MAP2K5: variants seen among roughly 807,000 people sequenced by gnomAD.
MAP2K5 encodes mitogen-activated protein kinase kinase 5.
A neutral mutation model predicts 83.1 loss-of-function variants in MAP2K5; 49 were observed. That is an observed-to-expected ratio of 0.59 (90% CI 0.47 to 0.75). The LOEUF is 0.75. Ranked by LOEUF, MAP2K5 falls within the 30% of genes least tolerant of loss-of-function variation. MAP2K5 has a pLI of 0.00. For missense variants in MAP2K5, 457 were observed against 557.5 expected (o/e 0.82, Z 1.82); for synonymous variants, 202 against 191.8 (o/e 1.05, Z -0.44).
At chr15:67,590,446 C>CTCTCTCTCTCTCTCTCTCTCTCTCT (rs1555529574) in intron 6 of MAP2K5, among the ~76,000 whole-genome samples, 13 of 30,538 alleles carry the variant, frequency 4.3e-4, no homozygotes, top group African/African-American at 7.0e-4. Flanking sequence ...TCCCTCCCTC[C>CTCTCTCTCTCTCTCTCTCTCTCTCT]CTCTCTCTCT....
chr15:67,575,223 A>G (rs1189108445), intron 3 of MAP2K5, among the ~76,000 whole-genome samples: 2 of 152,196 alleles, frequency 1.3e-5, no homozygotes, highest in Non-Finnish European at 2.9e-5. Flanking sequence ...TGAAGTGGCT[A>G]AAGTAACTCA....
In MAP2K5 at chr15:67,543,410, T is replaced by C. The variant is rs1243988565; in HGVS notation, c.75T>C (p.Asn25=). Residue 25 remains asparagine (N), a synonymous_variant, in exon 1 of 22, where the codon AAT becomes AAC. Transcript: ENST00000178640. The surrounding 1 kb of genome is among the most constrained non-coding windows in gnomAD (Gnocchi z 4.3). ...TGGTAATTCGCATCAAGATCCCAAATAGTGGCGCGGTGGACTGGACAGTGC... is the reference window on the plus strand; with the variant it reads ...TGGTAATTCGCATCAAGATCCCAAACAGTGGCGCGGTGGACTGGACAGTGC... The part of the protein sequence containing the change: ...QVLVIRIKIP[N]SGAVDWTVHS... The C allele has an allele frequency of 6.2e-7, 1 of 1,614,046 alleles. No individual in the cohort carries two copies. The highest frequency in any genetic ancestry group is 2.2e-5 in the East Asian group (1 of 44,866).
rs1468158109 is a variant in MAP2K5 at position 67,717,180 on chromosome 15, A to G, written c.1045-10736A>G. Among the ~76,000 whole-genome samples the G allele has an allele frequency of 1.3e-5, 2 of 152,254 alleles. No individual in the cohort carries two copies. The highest frequency in any genetic ancestry group is 2.9e-5 in the Non-Finnish European group (2 of 68,036). ...CAGGTTAACTGTGACTCTGCTGGTC[A>G]GTTAAGACTGCTTTTCATAGGATTA... is the stretch of plus-strand genomic sequence containing the variant. On this transcript the variant is annotated intron_variant, in intron 16 of 21. Transcript: ENST00000178640. The surrounding 1 kb of genome is among the most constrained non-coding windows in gnomAD (Gnocchi z 4.1).
intron 2 of MAP2K5, among the ~76,000 whole-genome samples, chr15:67,551,019 A>G (rs2140945825): frequency 6.6e-6 from 1 of 152,062 alleles, no homozygotes; most frequent in Admixed American, 6.5e-5. Flanking sequence ...TGATCCACCC[A>G]CCTCAGCCTC....
At position 67,794,971 on chromosome 15, in the gene MAP2K5, G is replaced by A. The variant is rs996674124; in HGVS notation, c.1243-11675G>A. 6.6e-5 allele frequency among the ~76,000 whole-genome samples: 10 copies of A among 152,328 alleles called. No homozygotes were observed. Among genetic ancestry groups the A allele is most frequent in the South Asian group, 4.1e-4 (2 of 4,828 alleles). On this transcript the variant is annotated intron_variant, in intron 21 of 21. Transcript: ENST00000178640. The surrounding 1 kb of genome is among the most constrained non-coding windows in gnomAD (Gnocchi z 4.6). Reference sequence around the variant, plus strand: ...ACTCTGAAACCTCTGACGCCCCCGCGGTGGGTGATGTTTTGTCAGTGCTCA... The same window carrying A: ...ACTCTGAAACCTCTGACGCCCCCGCAGTGGGTGATGTTTTGTCAGTGCTCA...
At position 67,783,693 on chromosome 15, in the gene MAP2K5, C is replaced by T. The variant is rs532297781; in HGVS notation, c.1242+10941C>T. 1.3e-5 allele frequency among the ~76,000 whole-genome samples: 2 copies of T among 152,232 alleles called. No individual in the cohort carries two copies. The highest frequency in any genetic ancestry group is 1.3e-4 in the Admixed American group (2 of 15,300). Reference sequence around the variant, plus strand: ...CTTAGCATCTAGCCCAGTCTCCAGCCTGAGTAGAATGCTCAAATATATGGT... The same window carrying T: ...CTTAGCATCTAGCCCAGTCTCCAGCTTGAGTAGAATGCTCAAATATATGGT... On this transcript the variant is annotated intron_variant, in intron 21 of 21. Transcript: ENST00000178640. The surrounding 1 kb of genome is among the most constrained non-coding windows in gnomAD (Gnocchi z 5.1).
At chr15:67,612,653 C>A (rs1181643033) in intron 8 of MAP2K5, among the ~76,000 whole-genome samples, 1 of 152,126 alleles carries the variant, frequency 6.6e-6, no homozygotes, top group African/African-American at 2.4e-5. Context: ...ATGATATGCC[C>A]ATTTCATGAA....
At position 67,543,445 on chromosome 15, in the gene MAP2K5, C is replaced by T. The variant is rs772020696; in HGVS notation, c.110C>T (p.Pro37Leu). 3.1e-6 allele frequency: 5 copies of T among 1,614,138 alleles called. No individual in the cohort carries two copies. Among genetic ancestry groups the T allele is most frequent in the Non-Finnish European group, 4.2e-6 (5 of 1,180,020 alleles). ...GAVDWTVHSG[P>L]QLLFRDVLDV... ...GTGGACTGGACAGTGCACTCCGGGC[C>T]GCAGTTACTCTTCAGGGATGTGCTG... The change falls in exon 1 of 22, where the codon CCG (proline) becomes CTG (leucine). Residue 37 changes from proline (P) to leucine (L), a missense_variant. By Grantham distance (98) the Pro-to-Leu change is moderately conservative (BLOSUM62 -3). Around this residue, in one of 3 missense-constraint regions of MAP2K5, gnomAD observed 234 missense variants for 243.6 expected, o/e 0.96. Transcript: ENST00000178640. This position sits in a 1 kb window ranked among gnomAD's most constrained non-coding sequence, Gnocchi z 4.3.
rs977513354 is a variant in MAP2K5 at position 67,652,019 on chromosome 15, A to G, written c.736+5550A>G. 6.6e-6 allele frequency among the ~76,000 whole-genome samples: 1 copy of G among 152,200 alleles called. No individual in the cohort carries two copies. The highest frequency in any genetic ancestry group is 1.5e-5 in the Non-Finnish European group (1 of 68,040). ...GTTCCCCTTTCTCCACATCCTTGCC[A>G]GCATCTATTATTCCCTGTCTTTTTG... is the stretch of plus-strand genomic sequence containing the variant. On this transcript the variant is annotated intron_variant, in intron 11 of 21. Coordinates refer to ENST00000178640, the MANE Select transcript of MAP2K5 (RefSeq NM_145160.3). This position sits in a 1 kb window ranked among gnomAD's most constrained non-coding sequence, Gnocchi z 4.2.
chr15:67,636,324 C>T lies in MAP2K5; in HGVS notation c.585+5397C>T, dbSNP rs917039108. Among the ~76,000 whole-genome samples the T allele has an allele frequency of 5.3e-5, 8 of 151,590 alleles. No individual in the cohort carries two copies. The highest frequency in any genetic ancestry group is 1.7e-4 in the African/African-American group (7 of 41,222). On this transcript the variant is annotated intron_variant, in intron 9 of 21. Coordinates refer to ENST00000178640, the MANE Select transcript of MAP2K5 (RefSeq NM_145160.3). The surrounding 1 kb of genome is among the most constrained non-coding windows in gnomAD (Gnocchi z 4.7). ...TCAGGAGGCTGAAGCAGGAGAATGG[C>T]GTGAACCTGGGAAGTGGAGCTTGCA...
rs1425877963 is a variant in MAP2K5, at chr15:67,644,142, C to G, written c.586-2089C>G. On this transcript the variant is annotated intron_variant, in intron 9 of 21. Coordinates refer to ENST00000178640, the MANE Select transcript of MAP2K5 (RefSeq NM_145160.3). The surrounding 1 kb of genome is among the most constrained non-coding windows in gnomAD (Gnocchi z 4.6). Reference sequence around the variant, plus strand: ...GGCACGGTGGCTCACGCCTGTAATCCCAGCACTTTGGGAGGCTGAGGCAGG... The same window carrying G: ...GGCACGGTGGCTCACGCCTGTAATCGCAGCACTTTGGGAGGCTGAGGCAGG... Among the ~76,000 whole-genome samples, 4 of 152,146 alleles carry G rather than the reference C, an allele frequency of 2.6e-5. No homozygotes were observed. The highest frequency in any genetic ancestry group is 4.2e-4 in the South Asian group (2 of 4,812).
chr15:67,688,237 G>A (rs908487609), intron 13 of MAP2K5, among the ~76,000 whole-genome samples: 7 of 152,332 alleles, frequency 4.6e-5, no homozygotes, highest in African/African-American at 1.7e-4. Flanking sequence ...GTATGGGGCA[G>A]CTCACAAGGG....
rs71142388 is a variant in MAP2K5, at chr15:67,624,589, T to TTGTGTGTG, written c.546-6256_546-6249dup. ...AAAAAAATTAAACATCACGATCTCTTTGTGTGTGTGTGTGTGTGTGTGTGT... is the reference window on the plus strand; with the variant it reads ...AAAAAAATTAAACATCACGATCTCTTTGTGTGTGTGTGTGTGTGTGTGTGTGTGTGTGT... On this transcript the variant is annotated intron_variant, in intron 8 of 21. Transcript: ENST00000178640. Among the ~76,000 whole-genome samples the TTGTGTGTG allele has an allele frequency of 2.1e-5, 3 of 141,804 alleles. No individual in the cohort carries two copies. In the East Asian group the frequency reaches 6.3e-4, roughly 30 times the overall value. 93.0% of individuals were successfully genotyped at this position (141,804 alleles called of 152,430 possible).
intron 17 of MAP2K5, among the ~76,000 whole-genome samples, chr15:67,730,075 A>G (rs764350942): frequency 1.2e-4 from 19 of 152,120 alleles, no homozygotes; most frequent in Non-Finnish European, 1.8e-4. Flanking sequence ...CGTTAGGCCT[A>G]TTTCCTAAGT....
chr15:67,720,092 T>C lies in MAP2K5; in HGVS notation c.1045-7824T>C, dbSNP rs1020796659. Among the ~76,000 whole-genome samples the C allele has an allele frequency of 1.3e-5, 2 of 152,188 alleles. No homozygotes were observed. Among genetic ancestry groups the C allele is most frequent in the African/African-American group, 4.8e-5 (2 of 41,444 alleles). On this transcript the variant is annotated intron_variant, in intron 16 of 21. Transcript: ENST00000178640. This position sits in a 1 kb window ranked among gnomAD's most constrained non-coding sequence, Gnocchi z 5.7. ...TTTTTAAATTGAGGGTTTTTTCCCC[T>C]TTTTTATTTATCAATTAGCTGCCTT...
chr15:67,743,006 C>T (rs1260163819), intron 17 of MAP2K5, among the ~76,000 whole-genome samples: 2 of 152,182 alleles, frequency 1.3e-5, no homozygotes, highest in East Asian at 1.9e-4. Flanking sequence ...GTCCTTGATA[C>T]TCAGGAAGCA....
chr15:67,744,148 A>T (rs994584153), intron 17 of MAP2K5, among the ~76,000 whole-genome samples: 4 of 152,228 alleles, frequency 2.6e-5, no homozygotes, highest in Non-Finnish European at 4.4e-5. Context: ...CATTTAGAAT[A>T]TGAATGTCTC....
rs555641400 is a variant in MAP2K5, at chr15:67,724,860, A to G, written c.1045-3056A>G. 1.3e-5 allele frequency among the ~76,000 whole-genome samples: 2 copies of G among 152,322 alleles called. No homozygotes were observed. The highest frequency in any genetic ancestry group is 1.3e-4 in the Admixed American group (2 of 15,300). On this transcript the variant is annotated intron_variant, in intron 16 of 21. Coordinates refer to ENST00000178640, the MANE Select transcript of MAP2K5 (RefSeq NM_145160.3). This position sits in a 1 kb window ranked among gnomAD's most constrained non-coding sequence, Gnocchi z 4.4. ...CTGGCATAGATTCCCAAGTCTTTCA[A>G]CAGCCCAGTGGTGACACTCTGTAAG...
chr15:67,584,098 C>G (rs527263905), intron 4 of MAP2K5, among the ~76,000 whole-genome samples: 104 of 152,216 alleles, frequency 6.8e-4, no homozygotes, highest in African/African-American at 2.5e-3. Flanking sequence ...AGCACAGTTG[C>G]CTTGGATAGT....
Sources: gnomAD v4.1 joint callset for allele counts (sites outside exome capture counted in the v4.1 genomes callset) on GRCh38, gnomAD v4.1.1 for gene constraint, gnomAD v4.1.1 regional missense constraint, Gnocchi (gnomAD v3.1) non-coding constraint, MANE v1.5 for transcripts, NCBI Gene and HGNC (gene_info 2026-07-23, HGNC 2026-07-21) for gene names.